The following PCDHA2 variants were observed in gnomAD, a reference collection of about 807,000 sequenced individuals.
PCDHA2 encodes protocadherin alpha-2.
A neutral mutation model predicts 66.0 loss-of-function variants in PCDHA2; 58 were observed. That is an observed-to-expected ratio of 0.88 (90% CI 0.71 to 1.09). The LOEUF is 1.09. Ranked by LOEUF, PCDHA2 falls within the 50% of genes least tolerant of loss-of-function variation. The pLI, the probability that PCDHA2 is intolerant of heterozygous loss-of-function variation, is 0.00. For synonymous variants in PCDHA2, 634 were observed against 554.0 expected, an observed-to-expected ratio of 1.14 and a Z score of -2.03; for missense variants, 1,267 against 1,242.3, an observed-to-expected ratio of 1.02 and a Z score of -0.30.
intron 3 of PCDHA2, among the ~76,000 whole-genome samples, chr5:141,008,072 T>C (rs1419103459): frequency 2.0e-5 from 3 of 152,272 alleles, no homozygotes; most frequent in Admixed American, 6.5e-5. Context: ...TAAGAACTTA[T>C]TGGGGTTATT....
intron 1 of PCDHA2, chr5:140,802,868 C>G (rs199682432): frequency 6.2e-7 from 1 of 1,613,720 alleles, no homozygotes; most frequent in East Asian, 2.2e-5. Context: ...TCGTGCTGGA[C>G]GAGAACGACA....
In PCDHA2 at chr5:140,795,252, C is replaced by T; in HGVS notation, c.288C>T (p.Cys96=). Residue 96 remains cysteine, a synonymous_variant, in exon 1 of 4, where the codon TGC becomes TGT. Transcript: ENST00000526136. ...VNSRIDREEL[C]GRSAECSIHV... ...CTCGGATCGACCGGGAGGAGCTGTG[C>T]GGGCGGAGCGCGGAATGTAGCATCC... is the stretch of plus-strand genomic sequence containing the variant. 6.2e-7 allele frequency: 1 copy of T among 1,614,200 alleles called. No individual in the cohort carries two copies. The highest frequency in any genetic ancestry group is 8.5e-7 in the Non-Finnish European group (1 of 1,180,048).
Position 140,808,724 on chromosome 5 carries a change from G to A in PCDHA2, c.2388+11372G>A, listed in dbSNP as rs114390057. ...GTCGAGCTACGTTTCGGTGCATGCG[G>A]AGAGCGGCAAGGTGTACGCGCTGCA... On this transcript the variant is annotated intron_variant, in intron 1 of 3. Coordinates refer to ENST00000526136, the MANE Select transcript of PCDHA2 (RefSeq NM_018905.3). The A allele has an allele frequency of 2.3e-4, 363 of 1,612,218 alleles. 1 individual carries two copies. The African/African-American group carries it at 3.9e-3, about 17-fold the overall frequency.
At chr5:140,978,763 A>G (rs932766044) in intron 1 of PCDHA2, among the ~76,000 whole-genome samples, 186 bp from the exon 2 acceptor site, 11 of 152,258 alleles carry the variant, frequency 7.2e-5, no homozygotes, top group Non-Finnish European at 1.3e-4. Flanking sequence ...GAGGACCCTG[A>G]TGAACTAATT....
intron 1 of PCDHA2, chr5:140,852,618 T>C: frequency 1.1e-6 from 1 of 941,450 alleles, no homozygotes; most frequent in Non-Finnish European, 1.3e-6. Flanking sequence ...AAAACTTGAG[T>C]GGTCTCTGAG....
At chr5:140,929,317 A>G in intron 1 of PCDHA2, 1 of 1,549,080 alleles carries the variant, frequency 6.5e-7, no homozygotes, top group South Asian at 1.2e-5. Flanking sequence ...CGCTAATGTC[A>G]ATGCCATGGT....
intron 1 of PCDHA2, among the ~76,000 whole-genome samples, chr5:140,873,773 G>A (rs1554166889): frequency 6.6e-6 from 1 of 152,120 alleles, no homozygotes; most frequent in Non-Finnish European, 1.5e-5. Context: ...CAATTCTCCT[G>A]CCTCAGCTTT....
intron 1 of PCDHA2, among the ~76,000 whole-genome samples, chr5:140,935,915 CAG>C (rs2090644404): frequency 7.6e-6 from 1 of 131,048 alleles, no homozygotes; most frequent in Non-Finnish European, 1.6e-5. Flanking sequence ...TTTTTTGAGA[CAG>C]ATTCTCATTC....
Position 140,964,245 on chromosome 5 carries a change from T to C in PCDHA2, c.2389-14704T>C, listed in dbSNP as rs549634734. On this transcript the variant is annotated intron_variant, in intron 1 of 3. Transcript: ENST00000526136. ...TCAAAATGAGGCTGATTGTGTTGGC[T>C]TTATATTTGACTCCTTAATAATTAA... is the stretch of plus-strand genomic sequence containing the variant. Among the ~76,000 whole-genome samples, 6 of 152,346 alleles carry C rather than the reference T, an allele frequency of 3.9e-5. No individual in the cohort carries two copies. In the East Asian group the frequency reaches 1.2e-3, roughly 29 times the overall value.
intron 1 of PCDHA2, among the ~76,000 whole-genome samples, chr5:140,878,377 T>C (rs2057568265): frequency 6.6e-6 from 1 of 152,274 alleles, no homozygotes; most frequent in Non-Finnish European, 1.5e-5. Flanking sequence ...ATATGATGAA[T>C]GATTTTCTTC....
chr5:140,858,616 T>G (rs1562539811), intron 1 of PCDHA2: 1 of 1,182,404 alleles, frequency 8.5e-7, no homozygotes, highest in Non-Finnish European at 1.2e-6. Context: ...TTTTTTATCC[T>G]ACCCAGTGTG....
chr5:140,804,040 A>G (rs782690715), intron 1 of PCDHA2: 5 of 178,442 alleles, frequency 2.8e-5, no homozygotes, highest in Non-Finnish European at 5.8e-5. Flanking sequence ...TAATGCTTAT[A>G]ACTCCCTATT....
chr5:140,983,270 GGGT>G (rs1349296894), intron 3 of PCDHA2, among the ~76,000 whole-genome samples: 4 of 152,152 alleles, frequency 2.6e-5, no homozygotes, highest in Non-Finnish European at 2.9e-5. Flanking sequence ...CCTAATGGCT[GGGT>G]GAGTATAGGA....
intron 1 of PCDHA2, chr5:140,927,062 T>C: frequency 6.2e-7 from 1 of 1,611,326 alleles, no homozygotes; most frequent in Non-Finnish European, 8.5e-7. Flanking sequence ...AACTTTCGCT[T>C]CCTTTCCAGC....
chr5:140,850,425 C>T (rs2150483747), intron 1 of PCDHA2: 2 of 1,597,932 alleles, frequency 1.3e-6, no homozygotes, highest in Non-Finnish European at 8.6e-7. Context: ...GGACGCACCG[C>T]GCCAGCGCCT....
intron 1 of PCDHA2, among the ~76,000 whole-genome samples, chr5:140,903,309 A>C (rs1435676177): frequency 6.6e-6 from 1 of 152,226 alleles, no homozygotes; most frequent in Non-Finnish European, 1.5e-5. Context: ...GTATACAATA[A>C]AGACAGCATT....
rs2150312229 is a variant in PCDHA2 at position 140,841,232 on chromosome 5, T to C, written c.2388+43880T>C. 327 of 1,468,172 alleles carry C rather than the reference T, an allele frequency of 2.2e-4. 4 individuals are homozygous for C. Among genetic ancestry groups the C allele is most frequent in the Non-Finnish European group, 2.9e-4 (317 of 1,091,800 alleles). 90.9% of individuals were successfully genotyped at this position (1,468,172 alleles called of 1,614,324 possible). Reference sequence around the variant, plus strand: ...TCTCTAAAGGCCGAACAACGGGAGATGCAGCGGAATTGGATTAAAAGACTC... The same window carrying C: ...TCTCTAAAGGCCGAACAACGGGAGACGCAGCGGAATTGGATTAAAAGACTC... On this transcript the variant is annotated intron_variant, in intron 1 of 3. Coordinates refer to ENST00000526136, the MANE Select transcript of PCDHA2 (RefSeq NM_018905.3).
chr5:140,837,266 T>C (rs1774990691), intron 1 of PCDHA2: 1 of 152,238 alleles, frequency 6.6e-6, no homozygotes, highest in African/African-American at 2.4e-5. Context: ...CATATTTGTG[T>C]AGCACTGACT....
intron 1 of PCDHA2, among the ~76,000 whole-genome samples, chr5:140,946,631 T>TATATATATATATATACACAC (rs57893927): frequency 7.6e-6 from 1 of 131,856 alleles, no homozygotes; most frequent in East Asian, 2.1e-4. Flanking sequence ...TATATATATA[T>TATATATATATATATACACAC]ACAATGGAAT....
Sources: allele counts gnomAD v4.1 joint callset (sites outside exome capture counted in the v4.1 genomes callset), GRCh38; gene constraint gnomAD v4.1.1; transcripts MANE v1.5; gene names NCBI Gene and HGNC (gene_info 2026-07-23, HGNC 2026-07-21).